C2CD5: variants seen among roughly 807,000 people sequenced by gnomAD.
C2CD5 encodes the protein C2 calcium dependent domain containing 5.
C2CD5 carries 109 observed loss-of-function variants against 130.3 expected under a neutral mutation model. The observed-to-expected ratio is 0.84, with a 90% confidence interval of 0.72 to 0.98. The LOEUF is 0.98. C2CD5 is among the 50% of genes least tolerant of loss of function. The pLI, the probability that C2CD5 is intolerant of heterozygous loss-of-function variation, is 0.00. For synonymous variants in C2CD5, 454 were observed against 429.2 expected, an observed-to-expected ratio of 1.06 and a Z score of -0.71; for missense variants, 996 against 1,261.8, an observed-to-expected ratio of 0.79 and a Z score of 3.19.
At chr12:22,541,889 T>A (rs545940570) in intron 2 of C2CD5, among the ~76,000 whole-genome samples, 1 of 152,204 alleles carries the variant, frequency 6.6e-6, no homozygotes, top group East Asian at 1.9e-4. Context: ...TTATTCACCA[T>A]GTATATACAT....
chr12:22,517,898 A>C, intron 8 of C2CD5, 88 bp downstream of exon 8: 2 of 1,135,906 alleles, frequency 1.8e-6, no homozygotes, highest in Non-Finnish European at 2.5e-6. Flanking sequence ...TGCCAAAAAC[A>C]AGAGGAAAGA....
intron 9 of C2CD5, chr12:22,512,725 ATCATCC>A: frequency 7.2e-7 from 1 of 1,385,144 alleles, no homozygotes. Flanking sequence ...AGAGAGAGAA[ATCATCC>A]AAAAACTGTA....
At chr12:22,489,327 T>C (rs973012361) in intron 12 of C2CD5, among the ~76,000 whole-genome samples, 2 of 151,594 alleles carry the variant, frequency 1.3e-5, no homozygotes, top group African/African-American at 2.4e-5. Context: ...TATATATATA[T>C]ATATTTAAAT....
chr12:22,494,176 G>T (rs1946712493), intron 10 of C2CD5, among the ~76,000 whole-genome samples: 3 of 151,630 alleles, frequency 2.0e-5, no homozygotes, highest in South Asian at 4.2e-4. Context: ...AACATTTTAT[G>T]TACAATGTGT....
At chr12:22,470,989 C>A in intron 20 of C2CD5, 78 bp from the exon 21 acceptor site, 1 of 935,496 alleles carries the variant, frequency 1.1e-6, no homozygotes, top group South Asian at 1.4e-5. Flanking sequence ...TTTTCAGTAC[C>A]ACGGAACAAC....
chr12:22,505,529 T>C (rs1355117167), intron 10 of C2CD5, among the ~76,000 whole-genome samples: 1 of 152,172 alleles, frequency 6.6e-6, no homozygotes, highest in Non-Finnish European at 1.5e-5. Context: ...GATGTGACAA[T>C]TTAAAATTTT....
chr12:22,515,843 G>A (rs74444172), intron 8 of C2CD5, among the ~76,000 whole-genome samples: 4,942 of 151,722 alleles, frequency 0.033, 97 homozygotes, highest in Non-Finnish European at 0.04. Context: ...ATAGTTAAAA[G>A]ACTGGCTAAA....
intron 13 of C2CD5, among the ~76,000 whole-genome samples, chr12:22,483,909 A>G (rs545642846): frequency 6.6e-6 from 1 of 152,168 alleles, no homozygotes; most frequent in Non-Finnish European, 1.5e-5. Context: ...TGGGGTATGA[A>G]GTAGACAGGT....
At chr12:22,452,441 C>T (rs1482007007) in intron 26 of C2CD5, among the ~76,000 whole-genome samples, 2 of 152,094 alleles carry the variant, frequency 1.3e-5, no homozygotes, top group Non-Finnish European at 2.9e-5. Context: ...TCCACACAAT[C>T]TCCTTCACGC....
chr12:22,536,635 A>G (rs570377911), intron 2 of C2CD5, among the ~76,000 whole-genome samples: 93 of 152,212 alleles, frequency 6.1e-4, no homozygotes, highest in Non-Finnish European at 1.2e-3. Flanking sequence ...ATTTGTTTCT[A>G]AAAATGTGAT....
chr12:22,537,326 G>A, intron 2 of C2CD5, among the ~76,000 whole-genome samples: 1 of 152,292 alleles, frequency 6.6e-6, no homozygotes, highest in South Asian at 2.1e-4. Flanking sequence ...AAGGCAAGAG[G>A]AGCTTGAAGC....
Position 22,448,697 on chromosome 12 carries a change from GA to G in C2CD5, c.*1062del, listed in dbSNP as rs1170369994. 7 of 152,550 alleles carry G rather than the reference GA, an allele frequency of 4.6e-5. 1 individual carries two copies. In the South Asian group the frequency reaches 1.5e-3, roughly 32 times the overall value. The allele number at this position is 152,550 out of a possible 1,614,324, so 9.4% of individuals were successfully genotyped here. On this transcript the variant is annotated 3_prime_UTR_variant, in exon 27 of 27. Transcript: ENST00000446597. ...TTAAGGGCAGTTTGTTGTCCTGGGG[GA>G]AAAAATCATAAGTGTTATAAAGAAA...
intron 10 of C2CD5, among the ~76,000 whole-genome samples, chr12:22,495,174 G>A (rs1338980210): frequency 1.3e-5 from 2 of 151,946 alleles, no homozygotes; most frequent in African/African-American, 2.4e-5. Context: ...AACCATTCTA[G>A]AAGTTTAAAA....
At chr12:22,526,394 A>T (rs936831741) in intron 4 of C2CD5, among the ~76,000 whole-genome samples, 16 of 152,186 alleles carry the variant, frequency 1.1e-4, no homozygotes, top group Non-Finnish European at 5.9e-5. Context: ...CCCATTTTAC[A>T]AAGGAAGAAA....
At chr12:22,494,749 T>C (rs1946796469) in intron 10 of C2CD5, among the ~76,000 whole-genome samples, 1 of 152,102 alleles carries the variant, frequency 6.6e-6, no homozygotes, top group South Asian at 2.1e-4. Flanking sequence ...AATATGGTAT[T>C]AGCAATCAAT....
chr12:22,493,434 G>T, intron 10 of C2CD5, 97 bp from the exon 11 acceptor site: 1 of 615,272 alleles, frequency 1.6e-6, no homozygotes, highest in Non-Finnish European at 2.8e-6. Context: ...AAGTAAAGAA[G>T]TTTTATTCTA....
At chr12:22,514,317 T>G (rs1440087424) in intron 8 of C2CD5, among the ~76,000 whole-genome samples, 7 of 152,178 alleles carry the variant, frequency 4.6e-5, no homozygotes, top group Non-Finnish European at 1.0e-4. Context: ...AAACAAAGGT[T>G]AGCATATGTA....
chr12:22,466,161 G>T (rs1942037311), intron 22 of C2CD5, among the ~76,000 whole-genome samples: 1 of 151,904 alleles, frequency 6.6e-6, no homozygotes. Flanking sequence ...CAAGTAAAAA[G>T]ATGGAAATAT....
chr12:22,485,496 G>C (rs1945367170), intron 12 of C2CD5, among the ~76,000 whole-genome samples: 1 of 151,708 alleles, frequency 6.6e-6, no homozygotes, highest in Non-Finnish European at 1.5e-5. Flanking sequence ...AAAAATCCAA[G>C]TGTAATAATT....
Sources: gnomAD v4.1 joint callset for allele counts (sites outside exome capture counted in the v4.1 genomes callset) on GRCh38, gnomAD v4.1.1 for gene constraint, MANE v1.5 for transcripts, NCBI Gene and HGNC (gene_info 2026-07-23, HGNC 2026-07-21) for gene names.